Variants in SRPK2 observed in about 807,000 individuals in gnomAD.
SRPK2 encodes the protein SFRS protein kinase 2.
Under a neutral mutation model 90.8 loss-of-function variants are expected in SRPK2, and 21 were observed. That is an observed-to-expected ratio of 0.23 (90% CI 0.16 to 0.33). The LOEUF (loss-of-function observed/expected upper bound fraction) is 0.33, where lower values mean the gene tolerates loss of function less well. SRPK2 is among the 10% of genes least tolerant of loss of function. The pLI, the probability that SRPK2 is intolerant of heterozygous loss-of-function variation, is 1.00. For synonymous variants in SRPK2, 288 were observed against 311.1 expected (o/e 0.93, Z 0.78); for missense variants, 620 against 869.0 (o/e 0.71, Z 3.60).
At chr7:105,125,901 AC>A in intron 15 of SRPK2, 1 of 1,160,878 alleles carries the variant, frequency 8.6e-7, no homozygotes, top group Non-Finnish European at 1.2e-6. Context: ...TGCCAGCAAA[AC>A]AGAAACACAC....
chr7:105,179,924 A>G (rs965007726), intron 3 of SRPK2, among the ~76,000 whole-genome samples: 3 of 152,110 alleles, frequency 2.0e-5, no homozygotes, highest in African/African-American at 7.2e-5. Flanking sequence ...ACACTCTCAA[A>G]GAAATCAGAG....
intron 9 of SRPK2, 34 bp downstream of exon 9, chr7:105,145,249 T>G (rs1323644879): frequency 6.5e-7 from 1 of 1,537,432 alleles, no homozygotes. Flanking sequence ...TCTTTTAACA[T>G]GGTGCATATA....
intron 15 of SRPK2, chr7:105,125,751 C>A: frequency 9.7e-7 from 1 of 1,026,918 alleles, no homozygotes; most frequent in Non-Finnish European, 1.3e-6. Context: ...GAAGACTATG[C>A]TGAAAATTAG....
intron 2 of SRPK2, among the ~76,000 whole-genome samples, chr7:105,278,736 G>GAAAGGGGA (rs998567008): frequency 1.3e-5 from 2 of 151,446 alleles, no homozygotes; most frequent in African/African-American, 4.9e-5. Context: ...GGGGGAAAAG[G>GAAAGGGGA]AAAGGGGAAA....
At chr7:105,168,223 T>G in intron 4 of SRPK2, 128 bp from the exon 5 acceptor site, 1 of 707,894 alleles carries the variant, frequency 1.4e-6, no homozygotes, top group Non-Finnish European at 2.4e-6. Context: ...TAAAACATTA[T>G]GAGTGTGTCA....
At chr7:105,155,127 T>A (rs2237608) in intron 7 of SRPK2, among the ~76,000 whole-genome samples, 1 of 151,976 alleles carries the variant, frequency 6.6e-6, no homozygotes, top group Non-Finnish European at 1.5e-5. Flanking sequence ...ACTATATGTA[T>A]GTGCCACCAC....
intron 2 of SRPK2, among the ~76,000 whole-genome samples, chr7:105,213,940 A>G (rs1403818237): frequency 2.0e-5 from 3 of 152,262 alleles, no homozygotes; most frequent in Admixed American, 6.5e-5. Context: ...TGGATCAACA[A>G]AATTCAAATG....
intron 2 of SRPK2, among the ~76,000 whole-genome samples, chr7:105,283,806 C>T (rs371121261): frequency 6.6e-6 from 1 of 152,056 alleles, no homozygotes; most frequent in African/African-American, 2.4e-5. Flanking sequence ...GCCTAGGTAA[C>T]ATGGTGAGAC....
intron 2 of SRPK2, among the ~76,000 whole-genome samples, chr7:105,204,254 A>G (rs554681663): frequency 7.2e-5 from 11 of 152,344 alleles, no homozygotes; most frequent in Admixed American, 2.0e-4. Flanking sequence ...TCCCATAGAA[A>G]TAGGTGGCAA....
intron 2 of SRPK2, among the ~76,000 whole-genome samples, chr7:105,358,566 G>C (rs540343704): frequency 2.6e-5 from 4 of 151,668 alleles, no homozygotes; most frequent in African/African-American, 2.4e-5. Flanking sequence ...CTTGCCTGCC[G>C]TGTCAGTTAC....
intron 2 of SRPK2, among the ~76,000 whole-genome samples, chr7:105,240,255 C>A (rs977336980): frequency 6.6e-6 from 1 of 152,140 alleles, no homozygotes; most frequent in Non-Finnish European, 1.5e-5. Flanking sequence ...TCATCCCACT[C>A]ATGAGAGCTA....
At chr7:105,234,202 C>T (rs1346458212) in intron 2 of SRPK2, among the ~76,000 whole-genome samples, 1 of 152,056 alleles carries the variant, frequency 6.6e-6, no homozygotes, top group Non-Finnish European at 1.5e-5. Context: ...AAAAAGACTA[C>T]AAAGATTTAT....
chr7:105,223,430 G>A (rs965337582), intron 2 of SRPK2, among the ~76,000 whole-genome samples: 10 of 152,144 alleles, frequency 6.6e-5, no homozygotes, highest in African/African-American at 2.4e-4. Context: ...CTGCCCAAGT[G>A]TCAAAAAATT....
chr7:105,245,065 A>G, intron 2 of SRPK2: 1 of 648,854 alleles, frequency 1.5e-6, no homozygotes, highest in East Asian at 2.8e-5. Flanking sequence ...ACACACACAC[A>G]CACACACACC....
At chr7:105,235,757 C>T (rs1213359301) in intron 2 of SRPK2, among the ~76,000 whole-genome samples, 2 of 152,136 alleles carry the variant, frequency 1.3e-5, no homozygotes, top group African/African-American at 4.8e-5. Flanking sequence ...TACTAGTGAA[C>T]TCTAAATTAC....
intron 2 of SRPK2, among the ~76,000 whole-genome samples, chr7:105,259,926 A>G (rs1213340453): frequency 6.6e-6 from 1 of 152,242 alleles, no homozygotes; most frequent in African/African-American, 2.4e-5. Flanking sequence ...CTAACACCAT[A>G]AAAACCCTAG....
intron 2 of SRPK2, among the ~76,000 whole-genome samples, chr7:105,228,925 G>A (rs1299107531): frequency 6.6e-6 from 1 of 152,184 alleles, no homozygotes; most frequent in African/African-American, 2.4e-5. Context: ...TACAAGTCCA[G>A]TGAAGAGGCC....
At chr7:105,381,396 G>A (rs990467614) in intron 2 of SRPK2, among the ~76,000 whole-genome samples, 2 of 152,022 alleles carry the variant, frequency 1.3e-5, no homozygotes, top group African/African-American at 2.4e-5. Flanking sequence ...CCAATATGGC[G>A]AAACCCTGTC....
At chr7:105,328,769 G>A (rs1813908677) in intron 2 of SRPK2, among the ~76,000 whole-genome samples, 2 of 151,418 alleles carry the variant, frequency 1.3e-5, no homozygotes, top group South Asian at 4.2e-4. Context: ...GGAGGCTGAG[G>A]CAGGAGAATG....
Sources: gnomAD v4.1 joint callset for allele counts (sites outside exome capture counted in the v4.1 genomes callset) on GRCh38, gnomAD v4.1.1 for gene constraint, MANE v1.5 for transcripts, NCBI Gene and HGNC (gene_info 2026-07-23, HGNC 2026-07-21) for gene names.